Variants in THRB observed in about 807,000 individuals in gnomAD.
The protein encoded by THRB is thyroid hormone receptor beta.
In THRB, 12 loss-of-function variants were observed where a neutral mutation model predicts 47.8. The observed-to-expected ratio is 0.25, with a 90% CI of 0.16 to 0.41. The LOEUF is 0.41. Ranked by LOEUF, THRB falls within the 10% of genes least tolerant of loss-of-function variation. THRB has a pLI of 1.00. For synonymous variants in THRB, 218 were observed against 212.2 expected, an observed-to-expected ratio of 1.03 and a Z score of -0.24; for missense variants, 348 against 589.2, an observed-to-expected ratio of 0.59 and a Z score of 4.24.
chr3:24,449,599 A>T (rs986374797), intron 1 of THRB, among the ~76,000 whole-genome samples: 3 of 152,196 alleles, frequency 2.0e-5, no homozygotes, highest in Admixed American at 6.5e-5. Flanking sequence ...ACTGAAAGTC[A>T]TGTTAATGGT....
At chr3:24,142,968 C>T (rs747786498) in intron 8 of THRB, among the ~76,000 whole-genome samples, 17 of 152,204 alleles carry the variant, frequency 1.1e-4, no homozygotes, top group Admixed American at 3.9e-4. Context: ...TCTACACACT[C>T]GTGCCCACCA....
intron 1 of THRB, among the ~76,000 whole-genome samples, chr3:24,446,883 G>A (rs983033106): frequency 9.2e-5 from 14 of 152,238 alleles, no homozygotes; most frequent in Non-Finnish European, 2.1e-4. Context: ...GAGACAGGGA[G>A]CTTATCCTGC....
At chr3:24,470,451 A>G (rs1270686867) in intron 1 of THRB, among the ~76,000 whole-genome samples, 1 of 152,238 alleles carries the variant, frequency 6.6e-6, no homozygotes, top group African/African-American at 2.4e-5. Context: ...AAAGTTGCTC[A>G]ACCTCTCTAA....
intron 5 of THRB, among the ~76,000 whole-genome samples, chr3:24,185,298 G>C (rs1310845428): frequency 6.6e-6 from 1 of 152,170 alleles, no homozygotes; most frequent in Non-Finnish European, 1.5e-5. Flanking sequence ...GGTTAAAATG[G>C]TATGCCTAGT....
intron 4 of THRB, among the ~76,000 whole-genome samples, chr3:24,191,230 G>C (rs531899724): frequency 1.4e-5 from 2 of 148,106 alleles, no homozygotes; most frequent in African/African-American, 2.6e-5. Flanking sequence ...CATGGATATA[G>C]AGAGCAAAAA....
At chr3:24,171,772 C>T (rs551909250) in intron 5 of THRB, among the ~76,000 whole-genome samples, 1 of 152,136 alleles carries the variant, frequency 6.6e-6, no homozygotes, top group Non-Finnish European at 1.5e-5. Context: ...CCTTGAGTCA[C>T]TAGATCATGC....
intron 3 of THRB, among the ~76,000 whole-genome samples, chr3:24,260,251 T>G (rs1195019421): frequency 6.6e-6 from 1 of 152,146 alleles, no homozygotes; most frequent in Non-Finnish European, 1.5e-5. Context: ...GAGTCACACT[T>G]TATCTCTAGC....
At chr3:24,458,536 T>A (rs1013761529) in intron 1 of THRB, 1 of 152,128 alleles carries the variant, frequency 6.6e-6, no homozygotes, top group Admixed American at 6.5e-5. Flanking sequence ...CTCAGTAGGG[T>A]CCTAGTTAAT....
chr3:24,212,577 CAAAAAA>C (rs1199010853), intron 4 of THRB, among the ~76,000 whole-genome samples: 30 of 84,102 alleles, frequency 3.6e-4, no homozygotes, highest in Admixed American at 2.9e-4. Flanking sequence ...GACTCCGTCT[CAAAAAA>C]AAAAAAAAAA....
intron 5 of THRB, among the ~76,000 whole-genome samples, chr3:24,156,254 A>G (rs957260147): frequency 2.6e-5 from 4 of 152,250 alleles, no homozygotes; most frequent in Non-Finnish European, 5.9e-5. Context: ...GGTTGAAAAC[A>G]GATTCAATGC....
At chr3:24,217,623 G>T (rs2046708347) in intron 4 of THRB, among the ~76,000 whole-genome samples, 1 of 152,024 alleles carries the variant, frequency 6.6e-6, no homozygotes, top group Non-Finnish European at 1.5e-5. Context: ...ATTAAGGGAA[G>T]CCAGTGCTTT....
chr3:24,135,020 C>T (rs1359238649), intron 8 of THRB, among the ~76,000 whole-genome samples: 2 of 152,238 alleles, frequency 1.3e-5, no homozygotes, highest in South Asian at 2.1e-4. Flanking sequence ...GGGCCCCATC[C>T]CCAGTGTATT....
At chr3:24,299,959 ACT>A (rs1265911602) in intron 2 of THRB, among the ~76,000 whole-genome samples, 1 of 151,316 alleles carries the variant, frequency 6.6e-6, no homozygotes, top group East Asian at 1.9e-4. Flanking sequence ...CCCAACACTG[ACT>A]CTCAATTCCT....
chr3:24,212,499 A>C (rs553922575), intron 4 of THRB, among the ~76,000 whole-genome samples: 2 of 143,868 alleles, frequency 1.4e-5, no homozygotes, highest in South Asian at 4.7e-4. Flanking sequence ...AATCACTTGA[A>C]CTTGGGAGGT....
intron 5 of THRB, among the ~76,000 whole-genome samples, chr3:24,159,694 G>C (rs1007803299): frequency 6.6e-6 from 1 of 151,874 alleles, no homozygotes; most frequent in Non-Finnish European, 1.5e-5. Context: ...GACATTTGGC[G>C]AAGTCTGGAG....
intron 2 of THRB, among the ~76,000 whole-genome samples, chr3:24,325,484 C>T (rs1251957098): frequency 6.6e-6 from 1 of 152,144 alleles, no homozygotes; most frequent in East Asian, 1.9e-4. Flanking sequence ...GTCAGGAGTT[C>T]GAGATCAGCC....
Position 24,259,220 on chromosome 3 carries a change from C to G in THRB, c.-42-30219G>C, listed in dbSNP as rs150737861. 2.8e-3 allele frequency among the ~76,000 whole-genome samples: 419 copies of G among 152,254 alleles called. 11 individuals carry two copies. Among genetic ancestry groups the G allele is most frequent in the East Asian group, 0.026 (133 of 5,174 alleles). On this transcript the variant is annotated intron_variant, in intron 3 of 10. Transcript: ENST00000646209. ...GGGATTGTTCCTACACAAAGACAAGCTGGCCAAGTTGAATGATTCAGGAGT... is the reference window on the plus strand; with the variant it reads ...GGGATTGTTCCTACACAAAGACAAGGTGGCCAAGTTGAATGATTCAGGAGT...
chr3:24,355,550 G>A (rs2063621386), intron 1 of THRB, among the ~76,000 whole-genome samples: 1 of 152,150 alleles, frequency 6.6e-6, no homozygotes, highest in Non-Finnish European at 1.5e-5. Flanking sequence ...GGCTGTGCTT[G>A]TTCTTAGGAA....
chr3:24,214,369 GA>G (rs1205525745), intron 4 of THRB, among the ~76,000 whole-genome samples: 1 of 152,154 alleles, frequency 6.6e-6, no homozygotes, highest in African/African-American at 2.4e-5. Context: ...AAAGATAAAA[GA>G]GAAGTAAAGA....
Sources: allele counts gnomAD v4.1 joint callset (sites outside exome capture counted in the v4.1 genomes callset), GRCh38; gene constraint gnomAD v4.1.1; transcripts MANE v1.5; gene names NCBI Gene and HGNC (gene_info 2026-07-23, HGNC 2026-07-21).